Variants in HDAC7 observed in about 807,000 individuals in gnomAD.
The protein encoded by HDAC7 is histone deacetylase 7.
A neutral mutation model predicts 115.5 loss-of-function variants in HDAC7; 26 were observed. That is an observed-to-expected ratio of 0.23 (90% CI 0.16 to 0.31). The LOEUF (loss-of-function observed/expected upper bound fraction) is 0.31, where lower values mean the gene tolerates loss of function less well. Among genes scored for constraint, HDAC7 ranks in the 10% least tolerant of loss-of-function variants. The pLI is 1.00. For synonymous variants in HDAC7, 564 were observed against 550.9 expected, an observed-to-expected ratio of 1.02 and a Z score of -0.33; for missense variants, 1,068 against 1,329.0, an observed-to-expected ratio of 0.80 and a Z score of 3.05.
intron 13 of HDAC7, chr12:47,792,669 C>T: frequency 2.2e-6 from 1 of 455,884 alleles, no homozygotes; most frequent in South Asian, 1.5e-5. Flanking sequence ...TTAGAGTGAA[C>T]CTTGGGAAAT....
chr12:47,813,517 G>A (rs1339660764), intron 1 of HDAC7: 4 of 152,516 alleles, frequency 2.6e-5, no homozygotes, highest in African/African-American at 9.6e-5. Context: ...AACTGAAGGG[G>A]ATTGGAGTTC....
Position 47,793,659 on chromosome 12 carries a change from T to G in HDAC7, c.1459-71A>C. 4 of 1,224,816 alleles carry G rather than the reference T, an allele frequency of 3.3e-6. No homozygotes were observed. In the South Asian group the frequency reaches 6.1e-5, roughly 19 times the overall value. The allele number at this position is 1,224,816 out of a possible 1,614,324, so 75.9% of individuals were successfully genotyped here. A position where few individuals can be genotyped will look rare whatever the true frequency, so the allele number is the denominator to read the frequency against. The stretch of plus-strand genomic sequence containing the variant: ...CTCCCTCTACTTCTGCCTGAGGTCT[T>G]GGGAACTGCCAAGCAGGCCCCTTTC... On this transcript the variant is annotated intron_variant, in intron 12 of 25. Transcript: ENST00000080059. This position sits in a 1 kb window ranked among gnomAD's most constrained non-coding sequence, Gnocchi z 4.5.
intron 16 of HDAC7, 119 bp downstream of exon 16, chr12:47,791,140 A>G (rs1592642477): frequency 3.0e-6 from 3 of 1,006,014 alleles, no homozygotes; most frequent in Non-Finnish European, 4.6e-6. Context: ...TCCCTGGCTC[A>G]CCCTGTCTGG....
At position 47,803,617 on chromosome 12, in the gene HDAC7, C is replaced by A. The variant is rs1398147546; in HGVS notation, c.20-1343G>T. Among the ~76,000 whole-genome samples, 3 of 152,218 alleles carry A rather than the reference C, an allele frequency of 2.0e-5. No individual in the cohort carries two copies. Among genetic ancestry groups the A allele is most frequent in the African/African-American group, 7.2e-5 (3 of 41,442 alleles). ...CTCTTCCTTTTCCACAGCACTCGCTCTGTGTCTACCACCTTGACACTTCAT... is the reference window on the plus strand; with the variant it reads ...CTCTTCCTTTTCCACAGCACTCGCTATGTGTCTACCACCTTGACACTTCAT... On this transcript the variant is annotated intron_variant, in intron 1 of 25. Transcript: ENST00000080059. This position sits in a 1 kb window ranked among gnomAD's most constrained non-coding sequence, Gnocchi z 4.0.
In HDAC7 at chr12:47,802,599, A is replaced by T. The variant is rs1944222832; in HGVS notation, c.20-325T>A. 3.3e-6 allele frequency: 3 copies of T among 907,266 alleles called. No individual in the cohort carries two copies. In the Admixed American group the frequency reaches 7.6e-5, roughly 23 times the overall value. 56.2% of individuals were successfully genotyped at this position (907,266 alleles called of 1,614,324 possible). ...AGCCCTCCCTCCTGTGGTCAGATAC[A>T]ATCTTCCCTGGGCAGCCAAACCAGG... On this transcript the variant is annotated intron_variant, in intron 1 of 25. Coordinates refer to ENST00000080059, the MANE Select transcript of HDAC7 (RefSeq NM_015401.5).
Position 47,787,820 on chromosome 12 carries a change from G to C in HDAC7, c.2356-11C>G, listed in dbSNP as rs1015153278. On this transcript the variant is annotated splice_polypyrimidine_tract_variant and intron_variant, in intron 20 of 25. Coordinates refer to ENST00000080059, the MANE Select transcript of HDAC7 (RefSeq NM_015401.5). Reference sequence around the variant, plus strand: ...GCTGCCAGCCCCTACCTGGAAAACAGGAGGCAAGAGAGACATGAGGACAGC... The same window carrying C: ...GCTGCCAGCCCCTACCTGGAAAACACGAGGCAAGAGAGACATGAGGACAGC... 21 of 1,608,454 alleles carry C rather than the reference G, an allele frequency of 1.3e-5. No homozygotes were observed. The highest frequency in any genetic ancestry group is 6.7e-5 in the Admixed American group (4 of 59,466).
chr12:47,789,702 G>T, intron 17 of HDAC7, 111 bp downstream of exon 17: 1 of 1,383,804 alleles, frequency 7.2e-7, no homozygotes, highest in African/African-American at 1.4e-5. Context: ...CCAAAACCCT[G>T]TAGCAATCTC....
upstream of HDAC7, among the ~76,000 whole-genome samples, chr12:47,820,163 G>A (rs927875980): frequency 2.0e-5 from 3 of 151,186 alleles, no homozygotes; most frequent in African/African-American, 7.3e-5. This position sits in a 1 kb window ranked among gnomAD's most constrained non-coding sequence, Gnocchi z 4.3. Context: ...CGGAACGCCG[G>A]CCGCGGCTCC....
intron 2 of HDAC7, 100 bp downstream of exon 2, chr12:47,802,124 G>A (rs891199430): frequency 1.2e-5 from 16 of 1,294,062 alleles, no homozygotes; most frequent in Admixed American, 2.1e-5. Context: ...ATCAGCCAGC[G>A]ACCCTGCTTC....
chr12:47,790,781 T>C (rs958501682), intron 16 of HDAC7: 8 of 188,688 alleles, frequency 4.2e-5, no homozygotes, highest in Non-Finnish European at 6.7e-5. Flanking sequence ...CGAGCGGAGT[T>C]TGGGGCTATG....
intron 1 of HDAC7, among the ~76,000 whole-genome samples, chr12:47,809,460 T>G (rs746704933): frequency 6.6e-6 from 1 of 152,158 alleles, no homozygotes; most frequent in Non-Finnish European, 1.5e-5. Context: ...TTTAATTAAT[T>G]AATAATATTA....
chr12:47,804,944 A>C (rs2137024610), intron 1 of HDAC7, among the ~76,000 whole-genome samples: 1 of 151,928 alleles, frequency 6.6e-6, no homozygotes, highest in Non-Finnish European at 1.5e-5. Context: ...CAAAAGGTGG[A>C]TGAAAACCTG....
intron 1 of HDAC7, among the ~76,000 whole-genome samples, chr12:47,807,472 C>T (rs558248354): frequency 6.6e-6 from 1 of 152,204 alleles, no homozygotes; most frequent in African/African-American, 2.4e-5. Context: ...TGTCTGAGGT[C>T]ACAGACAAGT....
chr12:47,784,719 G>A, intron 24 of HDAC7: 2 of 1,535,500 alleles, frequency 1.3e-6, no homozygotes, highest in African/African-American at 1.4e-5. Flanking sequence ...CTCTGCATGG[G>A]TGCCCAGGCC....
At position 47,793,859 on chromosome 12, in the gene HDAC7, G is replaced by A. The variant is rs926641906; in HGVS notation, c.1459-271C>T. On this transcript the variant is annotated intron_variant, in intron 12 of 25. Coordinates refer to ENST00000080059, the MANE Select transcript of HDAC7 (RefSeq NM_015401.5). This position sits in a 1 kb window ranked among gnomAD's most constrained non-coding sequence, Gnocchi z 4.5. ...CAAAGCCAGGAACCAGGGGAGGGGC[G>A]CTGGATCTTGTGCTGACCAGGATGT... Among the ~76,000 whole-genome samples, 11 of 152,246 alleles carry A rather than the reference G, an allele frequency of 7.2e-5. No individual in the cohort carries two copies. The highest frequency in any genetic ancestry group is 1.4e-4 in the African/African-American group (6 of 41,516).
At position 47,798,327 on chromosome 12, in the gene HDAC7, C is replaced by T; in HGVS notation, c.350-108G>A. On this transcript the variant is annotated intron_variant, in intron 4 of 25. Coordinates refer to ENST00000080059, the MANE Select transcript of HDAC7 (RefSeq NM_015401.5). The surrounding 1 kb of genome is among the most constrained non-coding windows in gnomAD (Gnocchi z 4.3). ...TCCTCAGTAGGAGGCGTCCCAGGGA[C>T]TCCCTAGGCAAGAGCCAAGCCCGAG... The T allele has an allele frequency of 1.0e-6, 1 of 980,138 alleles. No individual in the cohort carries two copies. The highest frequency in any genetic ancestry group is 1.8e-5 in the Admixed American group (1 of 56,488). 60.7% of individuals were successfully genotyped at this position (980,138 alleles called of 1,614,324 possible). A position where few individuals can be genotyped will look rare whatever the true frequency, so the allele number is the denominator to read the frequency against.
Position 47,802,245 on chromosome 12 carries a change from A to G in HDAC7, c.49T>C (p.Tyr17His). The G allele has an allele frequency of 6.2e-7, 1 of 1,613,958 alleles. No homozygotes were observed. The highest frequency in any genetic ancestry group is 8.5e-7 in the Non-Finnish European group (1 of 1,179,966). ...TTACCTGCGCCAGTGGGGCTGCAGT[A>G]GTGGGCACCCGGGCTCACCTGGGTC... is the stretch of plus-strand genomic sequence containing the variant. ...DGTQVSPGAH[Y>H]CSPTGAGCPR... The change falls in exon 2 of 26, where the codon TAC becomes CAC. Residue 17 changes from tyrosine (Y) to histidine (H), a missense_variant. Tyr to His is a moderately conservative substitution (Grantham distance 83). Around this residue, in one of 6 missense-constraint regions of HDAC7, gnomAD observed 161 missense variants for 158.5 expected, o/e 1.02. Coordinates refer to ENST00000080059, the MANE Select transcript of HDAC7 (RefSeq NM_015401.5).
At chr12:47,785,549 C>T (rs1388344319) in intron 23 of HDAC7, 78 bp from the exon 24 acceptor site, 1 of 1,453,476 alleles carries the variant, frequency 6.9e-7, no homozygotes, top group Admixed American at 2.0e-5. Context: ...GGGGCCCCAG[C>T]CTTCTAGCCA....
intron 1 of HDAC7, chr12:47,813,065 C>G (rs914749182): frequency 6.6e-6 from 1 of 152,370 alleles, no homozygotes; most frequent in African/African-American, 2.4e-5. Flanking sequence ...CACAGCCCTG[C>G]GCTGCGGGCA....
Sources: gnomAD v4.1 joint callset for allele counts (sites outside exome capture counted in the v4.1 genomes callset) on GRCh38, gnomAD v4.1.1 for gene constraint, gnomAD v4.1.1 regional missense constraint, Gnocchi (gnomAD v3.1) non-coding constraint, MANE v1.5 for transcripts, NCBI Gene and HGNC (gene_info 2026-07-23, HGNC 2026-07-21) for gene names.